DOCK4: variants seen among roughly 807,000 people sequenced by gnomAD.
DOCK4 encodes the protein dedicator of cytokinesis 4.
Under a neutral mutation model 268.1 loss-of-function variants are expected in DOCK4, and 97 were observed. The ratio of observed to expected loss-of-function variants is 0.36; its 90% CI spans 0.31 to 0.43. The LOEUF is 0.43. Ranked by LOEUF, DOCK4 falls within the 20% of genes least tolerant of loss-of-function variation. DOCK4 has a pLI of 1.00. For missense variants in DOCK4, 2,145 were observed against 2,455.7 expected (o/e 0.87, Z 2.67); for synonymous variants, 954 against 887.2 (o/e 1.08, Z -1.34).
chr7:111,938,170 G>T (rs1794892364), intron 11 of DOCK4, among the ~76,000 whole-genome samples: 1 of 152,168 alleles, frequency 6.6e-6, no homozygotes, highest in Non-Finnish European at 1.5e-5. Context: ...CAACATCACA[G>T]GTGTTTTCCT....
At chr7:112,110,426 G>A (rs1337553423) in intron 1 of DOCK4, among the ~76,000 whole-genome samples, 1 of 152,192 alleles carries the variant, frequency 6.6e-6, no homozygotes, top group Non-Finnish European at 1.5e-5. Flanking sequence ...AGTCTTCAGA[G>A]ACATGACTAG....
At chr7:111,813,793 C>A (rs1801332107) in intron 27 of DOCK4, among the ~76,000 whole-genome samples, 1 of 152,196 alleles carries the variant, frequency 6.6e-6, no homozygotes, top group Admixed American at 6.5e-5. Context: ...GACATCATTA[C>A]TGTTCCAAAG....
intron 9 of DOCK4, among the ~76,000 whole-genome samples, chr7:111,945,475 C>T (rs976424719): frequency 6.6e-5 from 10 of 152,164 alleles, no homozygotes; most frequent in East Asian, 3.8e-4. Context: ...CATGAGCCAC[C>T]GTGCCCCGCA....
chr7:112,158,093 C>G (rs2523013), intron 1 of DOCK4, among the ~76,000 whole-genome samples: 111,357 of 152,130 alleles, frequency 0.73, 41,405 homozygotes, highest in African/African-American at 0.86. Flanking sequence ...TTAAAATTCT[C>G]TGGCTTTCAA....
chr7:111,977,594 C>T (rs1798305439), intron 7 of DOCK4, among the ~76,000 whole-genome samples: 1 of 152,154 alleles, frequency 6.6e-6, no homozygotes, highest in African/African-American at 2.4e-5. Context: ...TTTTTAAAAT[C>T]ATTAATGTTA....
chr7:111,958,485 C>T (rs181261213), intron 8 of DOCK4, among the ~76,000 whole-genome samples: 4 of 152,160 alleles, frequency 2.6e-5, no homozygotes, highest in South Asian at 2.1e-4. Flanking sequence ...AGAGATGACC[C>T]GAATCCTAGT....
rs764598793 is a variant in DOCK4 at position 111,735,191 on chromosome 7, A to G, written c.5306-24T>C. ...AGCTGGAAGGGAATAACACAGCTAA[A>G]AACACACGGTCCAGCTTTGCCCTTC... On this transcript the variant is annotated intron_variant, in intron 50 of 52. Coordinates refer to ENST00000428084, the MANE Select transcript of DOCK4 (RefSeq NM_001363540.2). 7 of 1,489,660 alleles carry G rather than the reference A, an allele frequency of 4.7e-6. No individual in the cohort carries two copies. In the South Asian group the frequency reaches 8.8e-5, roughly 19 times the overall value. 92.3% of individuals were successfully genotyped at this position (1,489,660 alleles called of 1,614,324 possible). A position where few individuals can be genotyped will look rare whatever the true frequency, so the allele number is the denominator to read the frequency against.
intron 16 of DOCK4, among the ~76,000 whole-genome samples, chr7:111,882,873 T>C (rs1345223173): frequency 6.6e-6 from 1 of 152,156 alleles, no homozygotes; most frequent in Non-Finnish European, 1.5e-5. Context: ...CCTCCGAAAG[T>C]GCTGGGATTA....
intron 30 of DOCK4, among the ~76,000 whole-genome samples, chr7:111,795,004 G>C (rs1397734636): frequency 2.0e-5 from 3 of 152,204 alleles, no homozygotes; most frequent in Non-Finnish European, 4.4e-5. Flanking sequence ...TTAGGAACTT[G>C]AGGGGTGGAA....
intron 23 of DOCK4, among the ~76,000 whole-genome samples, chr7:111,851,216 G>A (rs756720319): frequency 9.9e-5 from 15 of 152,186 alleles, no homozygotes; most frequent in Admixed American, 1.3e-4. Context: ...AGGCTGAGAC[G>A]GGTGGATCAC....
At chr7:112,036,274 T>C (rs1803751132) in intron 1 of DOCK4, among the ~76,000 whole-genome samples, 2 of 151,684 alleles carry the variant, frequency 1.3e-5, no homozygotes, top group Non-Finnish European at 1.5e-5. Flanking sequence ...AAGAAATGAA[T>C]AAAAATAAAT....
At chr7:111,795,249 C>T (rs150696998) in intron 30 of DOCK4, among the ~76,000 whole-genome samples, 19 of 152,142 alleles carry the variant, frequency 1.2e-4, no homozygotes, top group South Asian at 2.1e-4. Context: ...AGGAGGATCA[C>T]GGAAGCCCAA....
chr7:111,817,640 G>A (rs1476577136), intron 27 of DOCK4, among the ~76,000 whole-genome samples: 1 of 152,172 alleles, frequency 6.6e-6, no homozygotes, highest in African/African-American at 2.4e-5. Flanking sequence ...AACCTTGCAT[G>A]CAATCCTATC....
intron 49 of DOCK4, among the ~76,000 whole-genome samples, chr7:111,737,286 TTC>T (rs1795571688): frequency 6.6e-6 from 1 of 152,098 alleles, no homozygotes; most frequent in Non-Finnish European, 1.5e-5. Context: ...TGCTATGAAG[TTC>T]TTTTTTTTTC....
At chr7:111,878,110 C>T (rs1473758381) in intron 16 of DOCK4, among the ~76,000 whole-genome samples, 1 of 152,106 alleles carries the variant, frequency 6.6e-6, no homozygotes, top group East Asian at 1.9e-4. Context: ...AGGGAAGAAA[C>T]CAGAGAATCC....
At chr7:111,909,902 T>C (rs78800041) in intron 13 of DOCK4, among the ~76,000 whole-genome samples, 4,987 of 151,102 alleles carry the variant, frequency 0.033, 302 homozygotes, top group East Asian at 0.3. Context: ...GCTGAGACTG[T>C]AGTGAGCCAT....
intron 1 of DOCK4, among the ~76,000 whole-genome samples, chr7:112,174,215 G>T (rs1818318028): frequency 6.6e-6 from 1 of 152,120 alleles, no homozygotes; most frequent in African/African-American, 2.4e-5. Flanking sequence ...ACAACCTGAG[G>T]TAGCTCCTAT....
intron 51 of DOCK4, 51 bp from the exon 52 acceptor site, chr7:111,732,338 G>GTA (rs1300402551): frequency 1.9e-6 from 3 of 1,585,184 alleles, no homozygotes; most frequent in Non-Finnish European, 2.6e-6. Flanking sequence ...CCAGACGATT[G>GTA]ACTATCTGCA....
intron 1 of DOCK4, among the ~76,000 whole-genome samples, chr7:112,143,454 C>A (rs1184049332): frequency 6.6e-6 from 1 of 152,158 alleles, no homozygotes; most frequent in African/African-American, 2.4e-5. Flanking sequence ...GAAAAGGCAA[C>A]AAAGCTCCAT....
Sources: allele counts gnomAD v4.1 joint callset (sites outside exome capture counted in the v4.1 genomes callset), GRCh38; gene constraint gnomAD v4.1.1; transcripts MANE v1.5; gene names NCBI Gene and HGNC (gene_info 2026-07-23, HGNC 2026-07-21).